The following SEMA3C variants were observed in gnomAD, a reference collection of about 807,000 sequenced individuals.
SEMA3C encodes semaphorin 3C.
In SEMA3C, 47 loss-of-function variants were observed where a neutral mutation model predicts 89.4. The ratio of observed to expected loss-of-function variants is 0.53; its 90% CI spans 0.42 to 0.67. SEMA3C has a LOEUF of 0.67. Among genes scored for constraint, SEMA3C ranks in the 30% least tolerant of loss-of-function variants. The pLI is 0.00. For missense variants in SEMA3C, 839 were observed against 929.1 expected (o/e 0.90, Z 1.26); for synonymous variants, 310 against 320.2 (o/e 0.97, Z 0.34).
rs561887384 is a variant in SEMA3C, at chr7:80,794,417, C to T, written c.1131+3675G>A. Among the ~76,000 whole-genome samples, 3 of 152,132 alleles carry T rather than the reference C, an allele frequency of 2.0e-5. No homozygotes were observed. The South Asian group carries it at 6.2e-4, about 32-fold the overall frequency. On this transcript the variant is annotated intron_variant, in intron 11 of 17. Coordinates refer to ENST00000265361, the MANE Select transcript of SEMA3C (RefSeq NM_006379.5). Reference sequence around the variant, plus strand: ...TTTTCATGTCTATGTCTTATGCATTCAATTTTCTTAGAAACATTCCTAACT... The same window carrying T: ...TTTTCATGTCTATGTCTTATGCATTTAATTTTCTTAGAAACATTCCTAACT...
chr7:80,823,449 T>C lies in SEMA3C; in HGVS notation c.327+3976A>G, dbSNP rs1789800606. On this transcript the variant is annotated intron_variant, in intron 4 of 17. Transcript: ENST00000265361. ...TTGAAAATATATTACTTTTATAATA[T>C]AAAAATAGATGTTTAAAAAATATAT... 2.6e-5 allele frequency among the ~76,000 whole-genome samples: 4 copies of C among 152,218 alleles called. No homozygotes were observed. In the South Asian group the frequency reaches 6.2e-4, roughly 24 times the overall value.
intron 15 of SEMA3C, among the ~76,000 whole-genome samples, chr7:80,754,562 AACATGTTTTGTATTT>A (rs1464761485): frequency 6.6e-6 from 1 of 152,196 alleles, no homozygotes; most frequent in Non-Finnish European, 1.5e-5. Context: ...TTCATTCACT[AACATGTTTTGTATTT>A]ACTATAAATA....
chr7:80,821,718 T>C (rs1160684884), intron 4 of SEMA3C, among the ~76,000 whole-genome samples: 2 of 152,226 alleles, frequency 1.3e-5, no homozygotes, highest in Non-Finnish European at 2.9e-5. Flanking sequence ...TCTTAATCCT[T>C]TGATGTCGAT....
intron 2 of SEMA3C, among the ~76,000 whole-genome samples, chr7:80,888,559 A>G (rs897526154): frequency 3.9e-5 from 6 of 152,232 alleles, no homozygotes; most frequent in Non-Finnish European, 8.8e-5. Flanking sequence ...GCAAAGAAAC[A>G]TCTAGGAGAC....
chr7:80,751,967 A>C (rs1396479926), intron 15 of SEMA3C, among the ~76,000 whole-genome samples: 1 of 152,180 alleles, frequency 6.6e-6, no homozygotes, highest in Non-Finnish European at 1.5e-5. Context: ...TAGATTCACA[A>C]ATTGTTATAT....
rs568973034 is a variant in SEMA3C at position 80,812,081 on chromosome 7, T to A, written c.448-1380A>T. On this transcript the variant is annotated intron_variant, in intron 5 of 17. Coordinates refer to ENST00000265361, the MANE Select transcript of SEMA3C (RefSeq NM_006379.5). The stretch of plus-strand genomic sequence containing the variant: ...ACAACTATATATTTGTGATAATCAA[T>A]CACAACCAATTTCTAATTGATCATA... 3.0e-4 allele frequency among the ~76,000 whole-genome samples: 46 copies of A among 152,292 alleles called. 1 individual carries two copies. The highest frequency in any genetic ancestry group is 1.1e-3 in the African/African-American group (44 of 41,572).
intron 4 of SEMA3C, 24 bp downstream of exon 4, chr7:80,827,401 T>TGG: frequency 7.0e-7 from 1 of 1,431,110 alleles, no homozygotes; most frequent in South Asian, 1.4e-5. Context: ...TGTTTTTTTT[T>TGG]TTTTTTTTTT....
At chr7:80,812,889 C>T (rs1420122689) in intron 5 of SEMA3C, among the ~76,000 whole-genome samples, 1 of 151,234 alleles carries the variant, frequency 6.6e-6, no homozygotes, top group Non-Finnish European at 1.5e-5. Context: ...CAGGTTCAAG[C>T]GATTCTCATG....
At chr7:80,882,497 G>A (rs1241248881) in intron 2 of SEMA3C, among the ~76,000 whole-genome samples, 1 of 126,194 alleles carries the variant, frequency 7.9e-6, no homozygotes, top group Non-Finnish European at 1.6e-5. Context: ...AAATACGACT[G>A]TATGAAAAAA....
intron 5 of SEMA3C, chr7:80,816,014 A>C (rs534384020): frequency 4.7e-4 from 72 of 152,172 alleles, no homozygotes; most frequent in Non-Finnish European, 8.1e-4. Flanking sequence ...ATCTTTTTCC[A>C]GGAACAGAAG....
intron 11 of SEMA3C, chr7:80,793,576 C>T: frequency 2.5e-6 from 1 of 400,130 alleles, no homozygotes; most frequent in Non-Finnish European, 4.9e-6. Flanking sequence ...GTAAGATAAA[C>T]AATCAATTTT....
intron 11 of SEMA3C, among the ~76,000 whole-genome samples, chr7:80,791,869 A>C (rs1260789463): frequency 6.6e-6 from 1 of 152,204 alleles, no homozygotes; most frequent in Admixed American, 6.5e-5. Flanking sequence ...GCTAGATCTC[A>C]GCAGATTACT....
intron 4 of SEMA3C, among the ~76,000 whole-genome samples, chr7:80,824,916 G>A (rs1789835710): frequency 6.6e-6 from 1 of 152,116 alleles, no homozygotes; most frequent in Non-Finnish European, 1.5e-5. Flanking sequence ...CTGAATATCA[G>A]TGTATATATG....
Position 80,902,586 on chromosome 7 carries a change from A to G in SEMA3C, c.103+14093T>C, listed in dbSNP as rs1791907929. ...AACAACTATAAATTTCCATGGTCCA[A>G]TTTTTCAACTATCCATGTATTTAAG... On this transcript the variant is annotated intron_variant, in intron 2 of 17. Coordinates refer to ENST00000265361, the MANE Select transcript of SEMA3C (RefSeq NM_006379.5). Among the ~76,000 whole-genome samples, 2 of 152,188 alleles carry G rather than the reference A, an allele frequency of 1.3e-5. 1 individual carries two copies. Among genetic ancestry groups the G allele is most frequent in the South Asian group, 4.1e-4 (2 of 4,832 alleles).
chr7:80,746,718 G>GGTGTGTGTGTGTGT (rs5885196), intron 17 of SEMA3C, among the ~76,000 whole-genome samples: 12,582 of 142,868 alleles, frequency 0.088, 645 homozygotes, highest in East Asian at 0.22. Context: ...ATTGAAGTGG[G>GGTGTGTGTGTGTGT]GTGTGTGTGT....
chr7:80,854,132 C>T (rs923580270), intron 2 of SEMA3C, among the ~76,000 whole-genome samples: 7 of 152,030 alleles, frequency 4.6e-5, no homozygotes, highest in Non-Finnish European at 8.8e-5. Context: ...CTGAAAAATA[C>T]ATTATGTGTT....
intron 2 of SEMA3C, among the ~76,000 whole-genome samples, chr7:80,900,754 A>T (rs57394461): frequency 0.015 from 2,304 of 152,322 alleles, 59 homozygotes; most frequent in African/African-American, 0.049. Context: ...CTGGCCTGTA[A>T]ATCGTGCACA....
Position 80,778,197 on chromosome 7 carries a change from T to C in SEMA3C, c.1354+11109A>G, listed in dbSNP as rs1481894972. Among the ~76,000 whole-genome samples, 5 of 152,354 alleles carry C rather than the reference T, an allele frequency of 3.3e-5. No homozygotes were observed. In the East Asian group the frequency reaches 9.6e-4, roughly 29 times the overall value. On this transcript the variant is annotated intron_variant, in intron 12 of 17. Coordinates refer to ENST00000265361, the MANE Select transcript of SEMA3C (RefSeq NM_006379.5). ...TCAGCAATCACTAAAATTAATGTTTTAGGACTTTGTGAATTACTAAAAATT... is the reference window on the plus strand; with the variant it reads ...TCAGCAATCACTAAAATTAATGTTTCAGGACTTTGTGAATTACTAAAAATT...
At chr7:80,826,239 C>G (rs1789870119) in intron 4 of SEMA3C, among the ~76,000 whole-genome samples, 1 of 152,104 alleles carries the variant, frequency 6.6e-6, no homozygotes, top group South Asian at 2.1e-4. Flanking sequence ...TCGGTCTTGT[C>G]TGATCCATCT....
Sources: gnomAD v4.1 joint callset for allele counts (sites outside exome capture counted in the v4.1 genomes callset) on GRCh38, gnomAD v4.1.1 for gene constraint, MANE v1.5 for transcripts, NCBI Gene and HGNC (gene_info 2026-07-23, HGNC 2026-07-21) for gene names.